WDR64: variants seen among roughly 807,000 people sequenced by gnomAD.
WDR64 encodes the protein WD repeat domain 64.
WDR64 carries 112 observed loss-of-function variants against 139.3 expected under a neutral mutation model. That is an observed-to-expected ratio of 0.80 (90% CI 0.69 to 0.94). WDR64 has a LOEUF of 0.94. Ranked by LOEUF, WDR64 falls within the 40% of genes least tolerant of loss-of-function variation. The probability of loss-of-function intolerance (pLI) is 0.00; values close to 1 mark genes in which losing one functional copy is unlikely to be tolerated. For missense variants in WDR64, 1,206 were observed against 1,293.1 expected (o/e 0.93, Z 1.03); for synonymous variants, 444 against 437.7 (o/e 1.01, Z -0.18).
chr1:241,687,371 C>A (rs1045592605), intron 7 of WDR64, 90 bp from the exon 8 acceptor site: 43 of 1,427,418 alleles, frequency 3.0e-5, no homozygotes, highest in Non-Finnish European at 3.9e-5. Context: ...TAGTACAATT[C>A]AGTTACAGTC....
intron 25 of WDR64, among the ~76,000 whole-genome samples, chr1:241,793,069 C>T (rs185928778): frequency 1.4e-4 from 22 of 152,250 alleles, no homozygotes; most frequent in Middle Eastern, 6.8e-3. Flanking sequence ...ATGAGAGAAA[C>T]GCTCATCTAC....
chr1:241,699,536 G>A (rs1006014242), intron 8 of WDR64, among the ~76,000 whole-genome samples: 6 of 152,136 alleles, frequency 3.9e-5, no homozygotes, highest in Admixed American at 3.3e-4. Context: ...ATGTAAGAGA[G>A]GGGTATGACA....
At chr1:241,689,573 G>C (rs12036335) in intron 8 of WDR64, among the ~76,000 whole-genome samples, 17,675 of 152,062 alleles carry the variant, frequency 0.12, 1,112 homozygotes, top group South Asian at 0.21. Flanking sequence ...CCTAACAACA[G>C]AGCATCAAAA....
At chr1:241,765,323 G>C (rs4129119) in intron 15 of WDR64, among the ~76,000 whole-genome samples, 22,913 of 152,100 alleles carry the variant, frequency 0.15, 1,927 homozygotes, top group African/African-American at 0.19. Context: ...GACTGGACTA[G>C]ATAATTAGGT....
intron 8 of WDR64, among the ~76,000 whole-genome samples, chr1:241,689,276 A>G (rs1667121804): frequency 6.8e-6 from 1 of 146,800 alleles, no homozygotes; most frequent in African/African-American, 2.6e-5. Flanking sequence ...AAGGCATACT[A>G]AAAGGCACAA....
At chr1:241,785,419 TA>T (rs1659001162) in intron 23 of WDR64, among the ~76,000 whole-genome samples, 1 of 152,140 alleles carries the variant, frequency 6.6e-6, no homozygotes, top group African/African-American at 2.4e-5. Context: ...GGCCTCTTTT[TA>T]AAAGACACTA....
At chr1:241,771,913 T>G (rs1170430698) in intron 19 of WDR64, among the ~76,000 whole-genome samples, 3 of 134,112 alleles carry the variant, frequency 2.2e-5, no homozygotes, top group Non-Finnish European at 4.7e-5. Flanking sequence ...TACACACATA[T>G]ACATATATAC....
At chr1:241,784,339 G>A (rs374214475) in intron 23 of WDR64, among the ~76,000 whole-genome samples, 11 of 152,324 alleles carry the variant, frequency 7.2e-5, no homozygotes, top group African/African-American at 2.6e-4. Context: ...TTGAAGTCCA[G>A]GGTGAATGTA....
intron 10 of WDR64, among the ~76,000 whole-genome samples, chr1:241,734,544 T>C (rs1002637176): frequency 6.6e-6 from 1 of 152,186 alleles, no homozygotes; most frequent in Non-Finnish European, 1.5e-5. Context: ...TAAAATGTAT[T>C]GTCTGTACAA....
At chr1:241,777,192 G>T (rs1395394589) in intron 21 of WDR64, among the ~76,000 whole-genome samples, 4 of 152,132 alleles carry the variant, frequency 2.6e-5, no homozygotes, top group Admixed American at 2.0e-4. Flanking sequence ...ACTCCTGCAA[G>T]TGATCCTTCC....
At chr1:241,754,616 C>A (rs987450650) in intron 14 of WDR64, among the ~76,000 whole-genome samples, 3 of 152,082 alleles carry the variant, frequency 2.0e-5, no homozygotes, top group African/African-American at 7.2e-5. Context: ...CCTTGCCTGG[C>A]CCGTGCAGGT....
intron 15 of WDR64, among the ~76,000 whole-genome samples, chr1:241,763,875 T>C (rs909283112): frequency 3.3e-4 from 50 of 152,172 alleles, no homozygotes; most frequent in African/African-American, 1.2e-3. Context: ...ACCTGCACTG[T>C]AGAAGTACAG....
chr1:241,710,214 C>A (rs377510380), intron 8 of WDR64, among the ~76,000 whole-genome samples: 93 of 152,162 alleles, frequency 6.1e-4, no homozygotes, highest in African/African-American at 1.8e-3. Context: ...TTCTGGGTGG[C>A]CCCTGTTTTC....
At chr1:241,739,933 C>T (rs1363292547) in intron 11 of WDR64, among the ~76,000 whole-genome samples, 2 of 152,186 alleles carry the variant, frequency 1.3e-5, no homozygotes, top group African/African-American at 2.4e-5. Flanking sequence ...AGTAGCACCA[C>T]GTTCTAGAAA....
chr1:241,741,769 C>T (rs374802124), intron 12 of WDR64, 105 bp downstream of exon 12: 19 of 1,160,324 alleles, frequency 1.6e-5, no homozygotes, highest in Middle Eastern at 2.8e-4. Flanking sequence ...GCGGCACATA[C>T]GATGAGACCA....
At chr1:241,731,076 T>C (rs1423551527) in intron 10 of WDR64, among the ~76,000 whole-genome samples, 1 of 152,248 alleles carries the variant, frequency 6.6e-6, no homozygotes, top group Non-Finnish European at 1.5e-5. Context: ...AAAGCCAGTG[T>C]ACTTTACAAA....
In WDR64 at chr1:241,652,461, A is replaced by T; in HGVS notation, c.-24A>T. Reference sequence around the variant, plus strand: ...AACTTGCAGTATTCTTTCTGTACAGAAGTAAAAGATCCCCTATGTCCCTAT... The same window carrying T: ...AACTTGCAGTATTCTTTCTGTACAGTAGTAAAAGATCCCCTATGTCCCTAT... On this transcript the variant is annotated 5_prime_UTR_variant, in exon 1 of 28. Transcript: ENST00000437684. 6.5e-7 allele frequency: 1 copy of T among 1,548,162 alleles called. No individual in the cohort carries two copies.
Position 241,780,001 on chromosome 1 carries a change from C to T in WDR64, c.2537-3C>T. ...AAGATTCCAATGTTTAAATTTTATA[C>T]AGAAGGACATGTTATCCTTTGCAAT... On this transcript the variant is annotated splice_polypyrimidine_tract_variant and splice_region_variant and intron_variant, in intron 21 of 27. Transcript: ENST00000437684. 1 of 1,586,312 alleles carries T rather than the reference C, an allele frequency of 6.3e-7. No individual in the cohort carries two copies. Among genetic ancestry groups the T allele is most frequent in the Non-Finnish European group, 8.5e-7 (1 of 1,170,810 alleles).
At chr1:241,729,316 A>G (rs1412641565) in intron 10 of WDR64, among the ~76,000 whole-genome samples, 1 of 152,160 alleles carries the variant, frequency 6.6e-6, no homozygotes, top group Non-Finnish European at 1.5e-5. Context: ...TCTTATCTTC[A>G]GTTTCTTCTC....
Sources: gnomAD v4.1 joint callset for allele counts (sites outside exome capture counted in the v4.1 genomes callset) on GRCh38, gnomAD v4.1.1 for gene constraint, MANE v1.5 for transcripts, NCBI Gene and HGNC (gene_info 2026-07-23, HGNC 2026-07-21) for gene names.